IPPK: variants seen among roughly 807,000 people sequenced by gnomAD.
IPPK encodes the protein IPK1 homolog.
Under a neutral mutation model 64.6 loss-of-function variants are expected in IPPK, and 22 were observed. The observed-to-expected ratio is 0.34, with a 90% CI of 0.24 to 0.49. The LOEUF (loss-of-function observed/expected upper bound fraction) is 0.49. Among genes scored for constraint, IPPK ranks in the 20% least tolerant of loss-of-function variants. The pLI, the probability that IPPK is intolerant of heterozygous loss-of-function variation, is 0.99. For synonymous variants in IPPK, 262 were observed against 247.2 expected, an observed-to-expected ratio of 1.06 and a Z score of -0.56; for missense variants, 532 against 630.7, an observed-to-expected ratio of 0.84 and a Z score of 1.68.
chr9:92,618,142 C>A, intron 12 of IPPK: 2 of 434,556 alleles, frequency 4.6e-6, no homozygotes, highest in South Asian at 1.6e-5. Flanking sequence ...GGAAGCAGGC[C>A]CAGCCCCACA....
At chr9:92,659,143 T>C (rs776641478) in intron 1 of IPPK, among the ~76,000 whole-genome samples, 2 of 152,080 alleles carry the variant, frequency 1.3e-5, no homozygotes, top group Non-Finnish European at 2.9e-5. Context: ...AAAAGAGAAA[T>C]ACACGTGAGC....
chr9:92,652,558 G>T lies in IPPK; in HGVS notation c.292+15C>A. ...TTTAAATTACAAACAATATCTGTAA[G>T]TTAAACACCCTTACCTGGTCTTTCA... On this transcript the variant is annotated intron_variant, in intron 4 of 12. Coordinates refer to ENST00000287996, the MANE Select transcript of IPPK (RefSeq NM_022755.6). The T allele has an allele frequency of 7.0e-7, 1 of 1,427,918 alleles. No homozygotes were observed. Among genetic ancestry groups the T allele is most frequent in the Non-Finnish European group, 9.6e-7 (1 of 1,037,966 alleles). The allele number at this position is 1,427,918 out of a possible 1,614,324, so 88.5% of individuals were successfully genotyped here.
At chr9:92,647,990 G>T in intron 6 of IPPK, 69 bp downstream of exon 6, 1 of 947,086 alleles carries the variant, frequency 1.1e-6, no homozygotes, top group Non-Finnish European at 1.6e-6. Context: ...AAAACTGTGT[G>T]TGTCCATGCC....
At chr9:92,621,507 CTTTTTT>C (rs58003734) in intron 11 of IPPK, among the ~76,000 whole-genome samples, 1 of 87,800 alleles carries the variant, frequency 1.1e-5, no homozygotes, top group Non-Finnish European at 2.1e-5. Context: ...AATACCATTC[CTTTTTT>C]TTTTTTTTTT....
chr9:92,655,037 A>G (rs1299040676), intron 3 of IPPK, among the ~76,000 whole-genome samples: 3 of 152,134 alleles, frequency 2.0e-5, no homozygotes, highest in Admixed American at 1.3e-4. Flanking sequence ...CCCATTTCCT[A>G]AACTCTCCAG....
intron 3 of IPPK, among the ~76,000 whole-genome samples, chr9:92,654,802 G>A (rs988181517): frequency 3.9e-5 from 6 of 152,244 alleles, no homozygotes; most frequent in East Asian, 3.9e-4. Flanking sequence ...ACAAAGAGCC[G>A]CCAGCCTGGC....
chr9:92,649,648 C>T (rs1174785770), intron 4 of IPPK, 74 bp from the exon 5 acceptor site: 1 of 1,557,424 alleles, frequency 6.4e-7, no homozygotes, highest in East Asian at 2.3e-5. Flanking sequence ...CAAAACAGGC[C>T]CCGCCTTGTC....
rs2296671 is a variant in IPPK, at chr9:92,619,693, C to T, written c.1171-128G>A. 3,387 of 838,820 alleles carry T rather than the reference C, an allele frequency of 4.0e-3. 51 individuals carry two copies. Among genetic ancestry groups the T allele is most frequent in the African/African-American group, 0.039 (2,358 of 60,028 alleles). The allele number at this position is 838,820 out of a possible 1,614,324, so 52.0% of individuals were successfully genotyped here. ...CAGAACCTGAGGGTGGGATTAGGAG[C>T]GAGGGCCACGGTGAGCACGGGCGTC... On this transcript the variant is annotated intron_variant, in intron 11 of 12. Coordinates refer to ENST00000287996, the MANE Select transcript of IPPK (RefSeq NM_022755.6).
At position 92,614,108 on chromosome 9, in the gene IPPK, C is replaced by T. The variant is rs1233908789; in HGVS notation, c.*1724G>A. The stretch of plus-strand genomic sequence containing the variant: ...ACAGGCTGTTTTCATCGTGTCTAGT[C>T]CAGCCCTGTCTGGGCCCTGTGCTAG... On this transcript the variant is annotated 3_prime_UTR_variant, in exon 13 of 13. Transcript: ENST00000287996. The T allele has an allele frequency of 1.3e-5, 2 of 152,308 alleles. No homozygotes were observed. The highest frequency in any genetic ancestry group is 2.4e-5 in the African/African-American group (1 of 41,448). 9.4% of individuals were successfully genotyped at this position (152,308 alleles called of 1,614,324 possible).
At chr9:92,651,409 G>C (rs1852264278) in intron 4 of IPPK, among the ~76,000 whole-genome samples, 1 of 152,234 alleles carries the variant, frequency 6.6e-6, no homozygotes, top group African/African-American at 2.4e-5. Flanking sequence ...GGAGGAGAAA[G>C]GGAGAGGCGA....
chr9:92,620,610 C>T (rs990955901), intron 11 of IPPK: 3 of 152,232 alleles, frequency 2.0e-5, no homozygotes, highest in Admixed American at 2.0e-4. Flanking sequence ...TTTAACCACT[C>T]CCCTCAATTG....
At chr9:92,636,937 T>C (rs1370566623) in intron 9 of IPPK, among the ~76,000 whole-genome samples, 2 of 152,076 alleles carry the variant, frequency 1.3e-5, no homozygotes, top group Non-Finnish European at 2.9e-5. Flanking sequence ...AAAGCAATTA[T>C]GTGCCCAGAT....
intron 11 of IPPK, among the ~76,000 whole-genome samples, chr9:92,629,352 A>G (rs1851791335): frequency 6.6e-6 from 1 of 152,242 alleles, no homozygotes; most frequent in African/African-American, 2.4e-5. Flanking sequence ...GAAAGTAAAA[A>G]GGCAACCAAC....
intron 11 of IPPK, among the ~76,000 whole-genome samples, chr9:92,624,112 G>C (rs1486228555): frequency 5.3e-5 from 8 of 152,166 alleles, no homozygotes; most frequent in African/African-American, 1.9e-4. Flanking sequence ...CAGGTGGGAG[G>C]ACTGCTTGAG....
intron 11 of IPPK, among the ~76,000 whole-genome samples, chr9:92,626,352 G>C (rs972112376): frequency 4.6e-5 from 7 of 152,212 alleles, no homozygotes; most frequent in Middle Eastern, 3.4e-3. Flanking sequence ...AGCCAAGATC[G>C]CACCACTGCA....
chr9:92,626,820 AG>A (rs1851741715), intron 11 of IPPK, among the ~76,000 whole-genome samples: 1 of 152,170 alleles, frequency 6.6e-6, no homozygotes, highest in South Asian at 2.1e-4. Flanking sequence ...AAGCAGCCAG[AG>A]AGAAAAGACA....
At chr9:92,637,954 A>C in intron 9 of IPPK, 47 bp downstream of exon 9, 1 of 1,470,454 alleles carries the variant, frequency 6.8e-7, no homozygotes, top group African/African-American at 1.4e-5. Context: ...CAGAGTCCCA[A>C]GGCCCCTGCG....
chr9:92,653,429 G>A (rs1008951445), intron 3 of IPPK, among the ~76,000 whole-genome samples: 1 of 152,086 alleles, frequency 6.6e-6, no homozygotes, highest in Non-Finnish European at 1.5e-5. Context: ...GGCTGTGCCA[G>A]TTTCACTTCT....
chr9:92,643,038 G>A (rs916431021), intron 6 of IPPK, among the ~76,000 whole-genome samples: 1 of 152,222 alleles, frequency 6.6e-6, no homozygotes, highest in African/African-American at 2.4e-5. Flanking sequence ...ATGATGTGGC[G>A]TGGCCCCCAG....
Sources: allele counts gnomAD v4.1 joint callset (sites outside exome capture counted in the v4.1 genomes callset), GRCh38; gene constraint gnomAD v4.1.1; transcripts MANE v1.5; gene names NCBI Gene and HGNC (gene_info 2026-07-23, HGNC 2026-07-21).